HEATR4: variants seen among roughly 807,000 people sequenced by gnomAD.
HEATR4 encodes HEAT repeat containing 4, also known as HEAT repeat-containing protein 4.
HEATR4 carries 95 observed loss-of-function variants against 108.8 expected under a neutral mutation model. That is an observed-to-expected ratio of 0.87 (90% CI 0.74 to 1.04). HEATR4 has a LOEUF of 1.04. Ranked by LOEUF, HEATR4 falls within the 50% of genes least tolerant of loss-of-function variation. The probability of loss-of-function intolerance (pLI) is 0.00; values close to 1 mark genes in which losing one functional copy is unlikely to be tolerated. For synonymous variants in HEATR4, 443 were observed against 459.4 expected (o/e 0.96, Z 0.46); for missense variants, 1,152 against 1,253.8 (o/e 0.92, Z 1.23).
chr14:73,572,389 G>A, the HEATR4 span, among the ~76,000 whole-genome samples: 3 of 150,480 alleles, frequency 2.0e-5, no homozygotes, highest in East Asian at 5.8e-4. Context: ...CCACTGTTGA[G>A]TGAAACAGTC....
At chr14:73,626,862 G>C in the HEATR4 span, among the ~76,000 whole-genome samples, 1 of 133,068 alleles carries the variant, frequency 7.5e-6, no homozygotes. Context: ...GCAATGGTAC[G>C]ATCTCAGCTC....
intron 5 of HEATR4, among the ~76,000 whole-genome samples, chr14:73,516,001 A>T (rs1887580406): frequency 1.6e-5 from 1 of 64,420 alleles, no homozygotes; most frequent in South Asian, 4.7e-4. Context: ...GTTAAAATGG[A>T]TTTGCGGTGA....
chr14:73,491,038 T>C (rs978918880), intron 17 of HEATR4: 7 of 1,583,664 alleles, frequency 4.4e-6, no homozygotes, highest in Non-Finnish European at 6.0e-6. Flanking sequence ...TCCAGGCCAG[T>C]GCAGGGCCGT....
At chr14:73,522,172 G>T in intron 3 of HEATR4, 100 bp downstream of exon 3, 1 of 1,233,870 alleles carries the variant, frequency 8.1e-7, no homozygotes, top group Non-Finnish European at 1.1e-6. Flanking sequence ...GAAGTTGATG[G>T]GAGAGTGCAT....
At chr14:73,530,819 T>G (rs1281751837) in intron 1 of HEATR4, among the ~76,000 whole-genome samples, 1 of 80,860 alleles carries the variant, frequency 1.2e-5, no homozygotes, top group Admixed American at 1.6e-4. Context: ...TTTTTTTTTT[T>G]GTAGAGATAG....
At chr14:73,573,734 G>A in the HEATR4 span, 1 of 1,055,118 alleles carries the variant, frequency 9.5e-7, no homozygotes, top group Non-Finnish European at 1.4e-6. Context: ...CTTATAGACA[G>A]TTTCTTTTTT....
chr14:73,490,787 A>G (rs1184982954), intron 17 of HEATR4, among the ~76,000 whole-genome samples: 4 of 152,234 alleles, frequency 2.6e-5, no homozygotes, highest in African/African-American at 4.8e-5. Context: ...CTCTGAGTGT[A>G]GATTCCTTGT....
At chr14:73,572,719 C>T in the HEATR4 span, among the ~76,000 whole-genome samples, 1 of 146,024 alleles carries the variant, frequency 6.8e-6, no homozygotes, top group Non-Finnish European at 1.5e-5. Context: ...AATCTTGGCT[C>T]ACTGCAACCT....
At chr14:73,595,073 T>C in the HEATR4 span, 1 of 1,614,036 alleles carries the variant, frequency 6.2e-7, no homozygotes, top group Non-Finnish European at 8.5e-7. Context: ...CATTGGGCTT[T>C]TGGGCATTTC....
At chr14:73,619,741 G>A in the HEATR4 span, 2 of 1,613,900 alleles carry the variant, frequency 1.2e-6, no homozygotes, top group Admixed American at 1.7e-5. Context: ...TGAGCCAAAG[G>A]CTCACTCAAA....
chr14:73,510,195 G>A (rs530119516), intron 7 of HEATR4, among the ~76,000 whole-genome samples: 2 of 151,616 alleles, frequency 1.3e-5, no homozygotes, highest in African/African-American at 4.9e-5. Flanking sequence ...TTATATTTAG[G>A]TAGTGCTTTA....
At chr14:73,542,575 T>G (rs183605792) in intron 1 of HEATR4, among the ~76,000 whole-genome samples, 1,238 of 105,856 alleles carry the variant, frequency 0.012, 352 homozygotes, top group Non-Finnish European at 0.02. Flanking sequence ...CTGGCTAATT[T>G]TTGTATTTTT....
intron 2 of HEATR4, among the ~76,000 whole-genome samples, chr14:73,527,981 AAAAAG>A (rs1888445807): frequency 1.3e-5 from 2 of 151,500 alleles, no homozygotes; most frequent in Non-Finnish European, 2.9e-5. Flanking sequence ...AAAAAAAAAA[AAAAAG>A]GAGTGATTTA....
At chr14:73,589,654 A>T in the HEATR4 span, among the ~76,000 whole-genome samples, 1 of 152,114 alleles carries the variant, frequency 6.6e-6, no homozygotes, top group Non-Finnish European at 1.5e-5. Flanking sequence ...TTTTTAAGTA[A>T]ACTGACATGT....
At chr14:73,626,769 C>T in the HEATR4 span, among the ~76,000 whole-genome samples, 1 of 142,802 alleles carries the variant, frequency 7.0e-6, no homozygotes, top group East Asian at 2.1e-4. Context: ...CACTAAACCA[C>T]TAAACAACAG....
At chr14:73,479,732 G>A (rs1263548236) in intron 17 of HEATR4, among the ~76,000 whole-genome samples, 5 of 151,572 alleles carry the variant, frequency 3.3e-5, no homozygotes, top group Non-Finnish European at 7.4e-5. Context: ...TCCCGGCCAC[G>A]CCCAGCTAAT....
the HEATR4 span, among the ~76,000 whole-genome samples, chr14:73,570,656 G>A: frequency 3.3e-5 from 5 of 152,128 alleles, no homozygotes; most frequent in South Asian, 2.1e-4. Context: ...TGTAATCCTA[G>A]CGCTTTGGGA....
the HEATR4 span, among the ~76,000 whole-genome samples, chr14:73,574,120 C>G: frequency 1.3e-5 from 2 of 151,734 alleles, no homozygotes; most frequent in Non-Finnish European, 2.9e-5. Context: ...ATCTGCCCAC[C>G]TTGGCCTCCC....
At chr14:73,603,572 C>G in the HEATR4 span, among the ~76,000 whole-genome samples, 1 of 152,066 alleles carries the variant, frequency 6.6e-6, no homozygotes, top group Non-Finnish European at 1.5e-5. Context: ...CCAGGATGGT[C>G]TCGATCTCCT....
Sources: gnomAD v4.1 joint callset for allele counts (sites outside exome capture counted in the v4.1 genomes callset) on GRCh38, gnomAD v4.1.1 for gene constraint, MANE v1.5 for transcripts, NCBI Gene and HGNC (gene_info 2026-07-23, HGNC 2026-07-21) for gene names.